The following EPS15L1 variants were observed in gnomAD, a reference collection of about 807,000 sequenced individuals.
EPS15L1 encodes the protein epidermal growth factor receptor pathway substrate 15 like 1.
A neutral mutation model predicts 117.1 loss-of-function variants in EPS15L1; 43 were observed. The ratio of observed to expected loss-of-function variants is 0.37; its 90% CI spans 0.29 to 0.47. The LOEUF is 0.47. Among genes scored for constraint, EPS15L1 ranks in the 20% least tolerant of loss-of-function variants. The pLI is 0.99. For synonymous variants in EPS15L1, 459 were observed against 470.5 expected (o/e 0.98, Z 0.32); for missense variants, 981 against 1,164.0 (o/e 0.84, Z 2.29).
intron 3 of EPS15L1, 176 bp downstream of exon 3, chr19:16,441,716 G>A: frequency 2.0e-6 from 1 of 506,372 alleles, no homozygotes; most frequent in Non-Finnish European, 3.5e-6. Flanking sequence ...GTAGTGGTGG[G>A]GGCTGCCACC....
intron 22 of EPS15L1, among the ~76,000 whole-genome samples, chr19:16,368,587 C>T (rs2092172845): frequency 6.6e-6 from 1 of 152,054 alleles, no homozygotes; most frequent in Non-Finnish European, 1.5e-5. Flanking sequence ...ATTCATTCCA[C>T]ACAACAGGTG....
chr19:16,391,972 T>C (rs552821443), intron 19 of EPS15L1, among the ~76,000 whole-genome samples: 2 of 150,924 alleles, frequency 1.3e-5, no homozygotes, highest in South Asian at 4.2e-4. Flanking sequence ...GAAGGGGCAG[T>C]GGGGGCAGAT....
chr19:16,393,926 C>A, intron 18 of EPS15L1, 25 bp downstream of exon 18: 2 of 1,612,104 alleles, frequency 1.2e-6, no homozygotes, highest in South Asian at 2.2e-5. Flanking sequence ...GTCTAAAGAC[C>A]GGTCCGGGAA....
At chr19:16,415,926 C>G (rs1427084208) in intron 12 of EPS15L1, among the ~76,000 whole-genome samples, 1 of 152,238 alleles carries the variant, frequency 6.6e-6, no homozygotes, top group African/African-American at 2.4e-5. Flanking sequence ...CCTTGTCAGG[C>G]TGCACATCCT....
At chr19:16,395,226 C>G in intron 17 of EPS15L1, 118 bp downstream of exon 17, 1 of 940,084 alleles carries the variant, frequency 1.1e-6, no homozygotes, top group Non-Finnish European at 1.6e-6. Flanking sequence ...AAAAGGCATT[C>G]CTTTCCCCCT....
chr19:16,421,546 G>A (rs1407428483), intron 9 of EPS15L1, 70 bp from the exon 10 acceptor site: 4 of 1,496,650 alleles, frequency 2.7e-6, no homozygotes, highest in Non-Finnish European at 3.7e-6. Flanking sequence ...GCTTTTTGAT[G>A]ATGGGGCGAT....
At chr19:16,425,415 A>T in intron 8 of EPS15L1, 99 bp from the exon 9 acceptor site, 1 of 802,640 alleles carries the variant, frequency 1.2e-6, no homozygotes. Flanking sequence ...CAGTGACAGG[A>T]CACTCTGTCA....
chr19:16,416,034 C>T (rs962499051), intron 12 of EPS15L1, among the ~76,000 whole-genome samples: 6 of 152,226 alleles, frequency 3.9e-5, no homozygotes, highest in East Asian at 1.9e-4. Flanking sequence ...TGACTCAGGC[C>T]GTGGCTCAGG....
At chr19:16,394,516 TCA>T (rs1168942312) in intron 17 of EPS15L1, among the ~76,000 whole-genome samples, 2 of 152,164 alleles carry the variant, frequency 1.3e-5, no homozygotes, top group East Asian at 1.9e-4. Context: ...TCTCCCCACC[TCA>T]GTGTTTTTCT....
chr19:16,436,391 A>G (rs1327544244), intron 6 of EPS15L1, among the ~76,000 whole-genome samples: 1 of 152,102 alleles, frequency 6.6e-6, no homozygotes, highest in Non-Finnish European at 1.5e-5. Flanking sequence ...TTCTTTCTGG[A>G]CGCAGTAGCT....
chr19:16,413,112 G>A, intron 13 of EPS15L1: 1 of 680,384 alleles, frequency 1.5e-6, no homozygotes. Context: ...CATCGGTCTG[G>A]GTATTAAGTG....
intron 1 of EPS15L1, chr19:16,443,716 T>G (rs1271543942): frequency 6.9e-6 from 1 of 144,440 alleles, no homozygotes; most frequent in Non-Finnish European, 1.5e-5. Context: ...GTCTCAAAAA[T>G]AAAAAGAAAA....
Position 16,424,585 on chromosome 19 carries a change from AG to A in EPS15L1, c.792+497del, listed in dbSNP as rs529792792. 1.0e-3 allele frequency among the ~76,000 whole-genome samples: 154 copies of A among 152,074 alleles called. 2 individuals are homozygous for A. Among genetic ancestry groups the A allele is most frequent in the South Asian group, 7.1e-3 (34 of 4,814 alleles). On this transcript the variant is annotated intron_variant, in intron 9 of 23. Transcript: ENST00000455140. Reference sequence around the variant, plus strand: ...CAGCACTTTGGGAGGCCGAGGCAGGAGGATCACTTGAGCCAAGGAGTTCAAG... The same window carrying A: ...CAGCACTTTGGGAGGCCGAGGCAGGAGATCACTTGAGCCAAGGAGTTCAAG...
chr19:16,430,774 C>A (rs16981267), intron 7 of EPS15L1, among the ~76,000 whole-genome samples: 1 of 152,124 alleles, frequency 6.6e-6, no homozygotes, highest in African/African-American at 2.4e-5. Flanking sequence ...CAAGTGCGCA[C>A]GGATGAATGT....
intron 8 of EPS15L1, among the ~76,000 whole-genome samples, chr19:16,428,493 G>A: frequency 9.7e-6 from 1 of 103,044 alleles, no homozygotes; most frequent in African/African-American, 3.7e-5. Flanking sequence ...GGGAGGGAGG[G>A]AGGGAGGGAG....
chr19:16,395,217 A>G, intron 17 of EPS15L1, 127 bp downstream of exon 17: 1 of 963,922 alleles, frequency 1.0e-6, no homozygotes, highest in African/African-American at 1.7e-5. Flanking sequence ...AAAAAAAAAA[A>G]AAGGCATTCC....
rs987395513 is a variant in EPS15L1, at chr19:16,371,199, C to A, written c.2380+5923G>T. 6.6e-6 allele frequency among the ~76,000 whole-genome samples: 1 copy of A among 152,052 alleles called. No homozygotes were observed. The highest frequency in any genetic ancestry group is 2.4e-5 in the African/African-American group (1 of 41,380). On this transcript the variant is annotated intron_variant, in intron 22 of 23. Transcript: ENST00000455140. This position sits in a 1 kb window ranked among gnomAD's most constrained non-coding sequence, Gnocchi z 4.7. ...GGGAGAGGTCACTGAGCCCTGGTTT[C>A]GATGTTGGCCTGGCATTTCAGAGAA...
At chr19:16,451,398 A>G (rs575059165) in intron 1 of EPS15L1, among the ~76,000 whole-genome samples, 1 of 152,364 alleles carries the variant, frequency 6.6e-6, no homozygotes, top group South Asian at 2.1e-4. Context: ...TTGTTATCAG[A>G]TAATACCAAT....
intron 1 of EPS15L1, among the ~76,000 whole-genome samples, chr19:16,466,193 G>A (rs186140984): frequency 6.6e-6 from 1 of 152,148 alleles, no homozygotes; most frequent in East Asian, 1.9e-4. Context: ...TCAGCATGTT[G>A]GCCAGGCTGG....
Sources: allele counts gnomAD v4.1 joint callset (sites outside exome capture counted in the v4.1 genomes callset), GRCh38; gene constraint gnomAD v4.1.1; non-coding constraint Gnocchi (gnomAD v3.1); transcripts MANE v1.5; gene names NCBI Gene and HGNC (gene_info 2026-07-23, HGNC 2026-07-21).